GNA14: variants seen among roughly 807,000 people sequenced by gnomAD.
The protein encoded by GNA14 is guanine nucleotide-binding protein subunit alpha-14.
GNA14 carries 50 observed loss-of-function variants against 42.0 expected under a neutral mutation model. The observed-to-expected ratio is 1.19, with a 90% CI of 0.95 to 1.51. The LOEUF is 1.51. GNA14 is among the 40% of genes most tolerant of loss of function. The pLI, the probability that GNA14 is intolerant of heterozygous loss-of-function variation, is 0.00. For synonymous variants in GNA14, 173 were observed against 163.1 expected (o/e 1.06, Z -0.46); for missense variants, 473 against 446.2 (o/e 1.06, Z -0.54).
chr9:77,532,623 G>C (rs550872827), intron 1 of GNA14, among the ~76,000 whole-genome samples: 1 of 152,254 alleles, frequency 6.6e-6, no homozygotes, highest in Non-Finnish European at 1.5e-5. Flanking sequence ...AATCCAAAGG[G>C]TATGATTTTT....
At chr9:77,548,947 CT>C (rs901758498) in intron 1 of GNA14, among the ~76,000 whole-genome samples, 4 of 147,536 alleles carry the variant, frequency 2.7e-5, no homozygotes, top group Middle Eastern at 3.5e-3. Flanking sequence ...TTTTTTTTTT[CT>C]TTTTTTTTCT....
At chr9:77,431,200 G>A in intron 4 of GNA14, 121 bp downstream of exon 4, 1 of 866,508 alleles carries the variant, frequency 1.2e-6, no homozygotes, top group East Asian at 2.5e-5. Flanking sequence ...ACCCTTGGCA[G>A]AGAGGGTCAC....
intron 1 of GNA14, among the ~76,000 whole-genome samples, chr9:77,537,575 T>G (rs567976758): frequency 1.2e-4 from 19 of 152,348 alleles, no homozygotes; most frequent in Admixed American, 9.2e-4. Context: ...TATACAGATT[T>G]CTTTTTTCTT....
intron 2 of GNA14, among the ~76,000 whole-genome samples, chr9:77,440,995 C>T (rs769088376): frequency 3.0e-4 from 45 of 152,194 alleles, no homozygotes; most frequent in Non-Finnish European, 5.6e-4. Context: ...GGACTACAGG[C>T]GTGAGCCACC....
chr9:77,557,017 G>A (rs1370000986), intron 1 of GNA14, among the ~76,000 whole-genome samples: 1 of 152,162 alleles, frequency 6.6e-6, no homozygotes. Flanking sequence ...GGTTACCACG[G>A]TTAAGAAGAA....
intron 1 of GNA14, among the ~76,000 whole-genome samples, chr9:77,593,014 C>T (rs1201684524): frequency 6.6e-6 from 1 of 151,716 alleles, no homozygotes; most frequent in East Asian, 1.9e-4. Flanking sequence ...TAGAAAAAGG[C>T]ATTAAGGGAG....
intron 4 of GNA14, among the ~76,000 whole-genome samples, chr9:77,431,089 C>A (rs1288298666): frequency 1.3e-5 from 2 of 149,274 alleles, no homozygotes; most frequent in Non-Finnish European, 1.5e-5. Flanking sequence ...ACATAAGAAT[C>A]ATTCCAGTTT....
chr9:77,524,770 A>C (rs1837408496), intron 2 of GNA14, among the ~76,000 whole-genome samples: 1 of 152,194 alleles, frequency 6.6e-6, no homozygotes, highest in Non-Finnish European at 1.5e-5. Flanking sequence ...TAGAGAAGAA[A>C]TTGATGAAAA....
At chr9:77,554,147 G>C (rs772243673) in intron 1 of GNA14, among the ~76,000 whole-genome samples, 1 of 152,182 alleles carries the variant, frequency 6.6e-6, no homozygotes, top group Non-Finnish European at 1.5e-5. Flanking sequence ...TGGGAAACGG[G>C]AATGGTAACA....
At chr9:77,545,548 G>A (rs772265672) in intron 1 of GNA14, among the ~76,000 whole-genome samples, 16 of 152,276 alleles carry the variant, frequency 1.1e-4, no homozygotes, top group Non-Finnish European at 2.2e-4. Context: ...AGTAACAGCA[G>A]GATATTGGAA....
intron 1 of GNA14, among the ~76,000 whole-genome samples, chr9:77,599,805 G>T (rs534172284): frequency 6.6e-6 from 1 of 152,196 alleles, no homozygotes; most frequent in East Asian, 1.9e-4. Context: ...GTTACATTGA[G>T]GTTTAAGATT....
chr9:77,615,575 G>A (rs1488715785), intron 1 of GNA14, among the ~76,000 whole-genome samples: 2 of 151,922 alleles, frequency 1.3e-5, no homozygotes, highest in East Asian at 3.9e-4. Flanking sequence ...TGACCAAGCA[G>A]GGTCCAAACT....
intron 2 of GNA14, among the ~76,000 whole-genome samples, chr9:77,524,541 T>G (rs975026309): frequency 6.6e-6 from 1 of 152,222 alleles, no homozygotes; most frequent in African/African-American, 2.4e-5. Flanking sequence ...TGAAGTTTTA[T>G]TCTTCCCTGA....
At chr9:77,536,833 C>T (rs1837604695) in intron 1 of GNA14, among the ~76,000 whole-genome samples, 1 of 152,152 alleles carries the variant, frequency 6.6e-6, no homozygotes, top group Admixed American at 6.5e-5. Context: ...ATGGGTCATG[C>T]TAACAAGTTT....
chr9:77,464,375 G>GTA (rs1256425596), intron 2 of GNA14, among the ~76,000 whole-genome samples: 98 of 97,606 alleles, frequency 1.0e-3, no homozygotes, highest in African/African-American at 3.1e-3. Context: ...GTGTGTGTGT[G>GTA]TGTGTGTGTG....
chr9:77,585,300 A>C (rs1823286192), intron 1 of GNA14, among the ~76,000 whole-genome samples: 1 of 152,202 alleles, frequency 6.6e-6, no homozygotes, highest in Non-Finnish European at 1.5e-5. Context: ...TTATTTTGAG[A>C]AACTACAGAC....
intron 2 of GNA14, chr9:77,456,375 G>A (rs1458928409): frequency 1.3e-5 from 2 of 152,200 alleles, no homozygotes; most frequent in Admixed American, 1.3e-4. Context: ...GTAAAGCCCA[G>A]AGGAATAGTT....
At chr9:77,529,322 C>T in intron 1 of GNA14, 69 bp from the exon 2 acceptor site, 1 of 1,199,700 alleles carries the variant, frequency 8.3e-7, no homozygotes, top group East Asian at 2.3e-5. Context: ...AAACAGAGGA[C>T]CTCCTGGCAG....
chr9:77,459,537 G>A (rs932994439), intron 2 of GNA14, among the ~76,000 whole-genome samples: 3 of 152,016 alleles, frequency 2.0e-5, no homozygotes, highest in Non-Finnish European at 4.4e-5. Context: ...CCCAGGCACC[G>A]CCTCTTGCCT....
Sources: allele counts gnomAD v4.1 joint callset (sites outside exome capture counted in the v4.1 genomes callset), GRCh38; gene constraint gnomAD v4.1.1; transcripts MANE v1.5; gene names NCBI Gene and HGNC (gene_info 2026-07-23, HGNC 2026-07-21).